The following ARHGAP10 variants were observed in gnomAD, a reference collection of about 807,000 sequenced individuals.
The protein encoded by ARHGAP10 is rho GTPase-activating protein 10.
A neutral mutation model predicts 108.6 loss-of-function variants in ARHGAP10; 87 were observed. The ratio of observed to expected loss-of-function variants is 0.80; its 90% CI spans 0.67 to 0.96. The LOEUF (loss-of-function observed/expected upper bound fraction) is 0.96, where lower values mean the gene tolerates loss of function less well. Among genes scored for constraint, ARHGAP10 ranks in the 40% least tolerant of loss-of-function variants. The probability of loss-of-function intolerance (pLI) is 0.00; values close to 1 mark genes in which losing one functional copy is unlikely to be tolerated. For missense variants in ARHGAP10, 939 were observed against 954.5 expected (o/e 0.98, Z 0.21); for synonymous variants, 347 against 341.1 (o/e 1.02, Z -0.19).
At chr4:147,965,806 C>CT (rs1188662647) in intron 17 of ARHGAP10, among the ~76,000 whole-genome samples, 1 of 152,134 alleles carries the variant, frequency 6.6e-6, no homozygotes, top group African/African-American at 2.4e-5. Context: ...ATAAAATAGT[C>CT]TAAGTCCCAG....
rs146908186 is a variant in ARHGAP10 at position 148,062,523 on chromosome 4, C to T, written c.2028-625C>T. On this transcript the variant is annotated intron_variant, in intron 20 of 22. Transcript: ENST00000336498. Reference sequence around the variant, plus strand: ...TTAACACGCATCAATTATTTGAACTCTCCCTCTGTGCTTAGAGGCCATTCC... The same window carrying T: ...TTAACACGCATCAATTATTTGAACTTTCCCTCTGTGCTTAGAGGCCATTCC... 4.6e-5 allele frequency among the ~76,000 whole-genome samples: 7 copies of T among 152,286 alleles called. No homozygotes were observed. In the East Asian group the frequency reaches 1.4e-3, roughly 29 times the overall value.
At chr4:147,801,438 A>G (rs1019648417) in intron 1 of ARHGAP10, among the ~76,000 whole-genome samples, 2 of 152,244 alleles carry the variant, frequency 1.3e-5, no homozygotes, top group African/African-American at 4.8e-5. Flanking sequence ...AATAATTTAT[A>G]TATCAAGTGG....
intron 1 of ARHGAP10, among the ~76,000 whole-genome samples, chr4:147,816,587 C>G (rs951277657): frequency 2.0e-5 from 3 of 152,258 alleles, no homozygotes; most frequent in Non-Finnish European, 2.9e-5. Flanking sequence ...TGAGCTGCTT[C>G]TGGAACAGCC....
chr4:147,769,554 TAAC>T (rs1476645942), intron 1 of ARHGAP10, among the ~76,000 whole-genome samples: 1 of 152,224 alleles, frequency 6.6e-6, no homozygotes, highest in Non-Finnish European at 1.5e-5. Context: ...TTCCGTATGT[TAAC>T]AAGTTCTTTC....
intron 1 of ARHGAP10, among the ~76,000 whole-genome samples, chr4:147,769,478 G>T (rs570289398): frequency 8.5e-5 from 13 of 152,192 alleles, no homozygotes; most frequent in African/African-American, 3.1e-4. Flanking sequence ...TTTATTTCAG[G>T]TATGTGCTGC....
Position 147,767,540 on chromosome 4 carries a change from A to G in ARHGAP10, c.154+35085A>G, listed in dbSNP as rs74837872. Among the ~76,000 whole-genome samples the G allele has an allele frequency of 1.4e-3, 208 of 152,264 alleles. 8 individuals are homozygous for G. The East Asian group carries it at 0.03, about 22-fold the overall frequency. On this transcript the variant is annotated intron_variant, in intron 1 of 22. Coordinates refer to ENST00000336498, the MANE Select transcript of ARHGAP10 (RefSeq NM_024605.4). ...TGCTCCTATAAAGAAGACTGAGCCTATATTAAAAGATTATCAAGAATCGTC... is the reference window on the plus strand; with the variant it reads ...TGCTCCTATAAAGAAGACTGAGCCTGTATTAAAAGATTATCAAGAATCGTC...
chr4:147,859,797 T>G (rs1228917539), intron 5 of ARHGAP10, among the ~76,000 whole-genome samples: 1 of 152,206 alleles, frequency 6.6e-6, no homozygotes, highest in African/African-American at 2.4e-5. Context: ...CAGCAATTTA[T>G]CAGTCCCAAG....
chr4:147,875,584 T>C (rs1735025226), intron 8 of ARHGAP10, among the ~76,000 whole-genome samples: 1 of 152,180 alleles, frequency 6.6e-6, no homozygotes, highest in Admixed American at 6.5e-5. Context: ...CTCCCTCCCA[T>C]AACCCTGCCT....
At position 147,765,347 on chromosome 4, in the gene ARHGAP10, G is replaced by GT. The variant is rs1161623778; in HGVS notation, c.154+32892_154+32893insT. On this transcript the variant is annotated intron_variant, in intron 1 of 22. Transcript: ENST00000336498. ...TGGTGTGTGTGTGTGTGGGGGGGGG[G>GT]GTGTGAGTGTGTGTATTTCAATGTG... Among the ~76,000 whole-genome samples the GT allele has an allele frequency of 7.0e-4, 100 of 143,716 alleles. 1 individual carries two copies. The highest frequency in any genetic ancestry group is 2.4e-3 in the African/African-American group (94 of 38,374). 94.3% of individuals were successfully genotyped at this position (143,716 alleles called of 152,430 possible).
intron 19 of ARHGAP10, among the ~76,000 whole-genome samples, chr4:148,039,215 A>G (rs1728513515): frequency 6.6e-6 from 1 of 151,964 alleles, no homozygotes; most frequent in Non-Finnish European, 1.5e-5. Flanking sequence ...AATTTCTCTG[A>G]GAGTGTTATC....
intron 16 of ARHGAP10, among the ~76,000 whole-genome samples, chr4:147,962,100 C>A (rs144067154): frequency 6.6e-6 from 1 of 152,226 alleles, no homozygotes; most frequent in Non-Finnish European, 1.5e-5. Flanking sequence ...AAATACCAGC[C>A]ATTTGAATGT....
At chr4:147,826,497 G>A (rs1480501369) in intron 3 of ARHGAP10, among the ~76,000 whole-genome samples, 3 of 152,192 alleles carry the variant, frequency 2.0e-5, no homozygotes, top group Non-Finnish European at 4.4e-5. Flanking sequence ...AAAGCAGGAC[G>A]CTGTCCAAAG....
intron 18 of ARHGAP10, among the ~76,000 whole-genome samples, chr4:148,012,348 T>C (rs946306723): frequency 6.6e-6 from 1 of 152,186 alleles, no homozygotes; most frequent in African/African-American, 2.4e-5. Flanking sequence ...AGCAGGAACA[T>C]TTATACCTTT....
At chr4:148,065,779 TAGA>T (rs1729840536) in intron 22 of ARHGAP10, 7 of 152,144 alleles carry the variant, frequency 4.6e-5, no homozygotes, top group Admixed American at 4.6e-4. Flanking sequence ...GTTACCTTGG[TAGA>T]AGGTGTATCT....
chr4:147,795,262 T>C (rs1287230939), intron 1 of ARHGAP10, among the ~76,000 whole-genome samples: 2 of 152,216 alleles, frequency 1.3e-5, no homozygotes, highest in East Asian at 3.8e-4. Flanking sequence ...TGAGTTTTGA[T>C]ATGTAATCTA....
At chr4:147,902,050 T>C (rs973019560) in intron 10 of ARHGAP10, among the ~76,000 whole-genome samples, 2 of 152,218 alleles carry the variant, frequency 1.3e-5, no homozygotes, top group African/African-American at 4.8e-5. Flanking sequence ...CCTTTACTAG[T>C]TACTGATGGT....
At chr4:147,732,731 C>G (rs1360311440) in intron 1 of ARHGAP10, among the ~76,000 whole-genome samples, 2 of 152,172 alleles carry the variant, frequency 1.3e-5, no homozygotes, top group East Asian at 1.9e-4. Flanking sequence ...TGGCCCCGGC[C>G]GAACACCCCT....
chr4:147,864,544 G>C, intron 5 of ARHGAP10: 1 of 227,900 alleles, frequency 4.4e-6, no homozygotes, highest in African/African-American at 2.3e-5. Context: ...AGTTCTTGGG[G>C]GTCAACTTCA....
At chr4:147,917,934 A>G (rs191132411) in intron 13 of ARHGAP10, among the ~76,000 whole-genome samples, 17 of 152,330 alleles carry the variant, frequency 1.1e-4, no homozygotes, top group African/African-American at 3.8e-4. Flanking sequence ...AAAAAATCAT[A>G]AAACTGTTCA....
Sources: gnomAD v4.1 joint callset for allele counts (sites outside exome capture counted in the v4.1 genomes callset) on GRCh38, gnomAD v4.1.1 for gene constraint, MANE v1.5 for transcripts, NCBI Gene and HGNC (gene_info 2026-07-23, HGNC 2026-07-21) for gene names.